Variants in PSD3 observed in about 807,000 individuals in gnomAD.
The protein encoded by PSD3 is pleckstrin and Sec7 domain containing 3, also known as PH and SEC7 domain-containing protein 3.
PSD3 carries 49 observed loss-of-function variants against 105.5 expected under a neutral mutation model. That is an observed-to-expected ratio of 0.46 (90% confidence interval 0.37 to 0.59). The LOEUF (loss-of-function observed/expected upper bound fraction) is 0.59, where lower values mean the gene tolerates loss of function less well. Ranked by LOEUF, PSD3 falls within the 20% of genes least tolerant of loss-of-function variation. PSD3 has a pLI of 0.00. For missense variants in PSD3, 1,561 were observed against 1,263.8 expected, an observed-to-expected ratio of 1.24 and a Z score of -3.57; for synonymous variants, 557 against 457.8, an observed-to-expected ratio of 1.22 and a Z score of -2.77.
chr8:19,045,410 A>G (rs1205964218), intron 1 of PSD3, among the ~76,000 whole-genome samples: 2 of 152,218 alleles, frequency 1.3e-5, no homozygotes, highest in East Asian at 1.9e-4. Context: ...TGAATTTAAC[A>G]AAAGTGTTAA....
chr8:18,855,437 T>C (rs7006759), intron 4 of PSD3, among the ~76,000 whole-genome samples: 6,920 of 151,982 alleles, frequency 0.046, 189 homozygotes, highest in Admixed American at 0.084. Context: ...ATGAAAAAAA[T>C]AGGTTATAGT....
chr8:18,627,119 G>T (rs1458088923), intron 11 of PSD3, among the ~76,000 whole-genome samples: 1 of 151,970 alleles, frequency 6.6e-6, no homozygotes, highest in African/African-American at 2.4e-5. Flanking sequence ...GAAAACATTG[G>T]ATTATAATTC....
chr8:18,662,093 T>C (rs1238662995), intron 9 of PSD3, among the ~76,000 whole-genome samples: 2 of 152,118 alleles, frequency 1.3e-5, no homozygotes, highest in Non-Finnish European at 2.9e-5. Flanking sequence ...TATGTTGTGA[T>C]GTACTTCCAA....
In PSD3 at chr8:18,671,844, A is replaced by G. The variant is rs147382884; in HGVS notation, c.2173-16159T>C. Among the ~76,000 whole-genome samples, 1,223 of 152,118 alleles carry G rather than the reference A, an allele frequency of 8.0e-3. 9 individuals carry two copies. The highest frequency in any genetic ancestry group is 0.012 in the Non-Finnish European group (812 of 67,976). On this transcript the variant is annotated intron_variant, in intron 9 of 15. Transcript: ENST00000327040. Reference sequence around the variant, plus strand: ...GATGGGGTTTCACCGTGTTAGCCAGAATGGTCTCGATCTCCTGACCTTGTT... The same window carrying G: ...GATGGGGTTTCACCGTGTTAGCCAGGATGGTCTCGATCTCCTGACCTTGTT...
chr8:18,982,463 C>A (rs1380239917), intron 1 of PSD3, among the ~76,000 whole-genome samples: 1 of 152,102 alleles, frequency 6.6e-6, no homozygotes, highest in Non-Finnish European at 1.5e-5. Flanking sequence ...TTTCAGAAGG[C>A]TTTCAATTGA....
At chr8:19,046,831 G>A (rs1828335042) in intron 1 of PSD3, among the ~76,000 whole-genome samples, 1 of 152,094 alleles carries the variant, frequency 6.6e-6, no homozygotes, top group Admixed American at 6.5e-5. Flanking sequence ...CTCAAGCCTT[G>A]GCAAGTGAAA....
intron 10 of PSD3, among the ~76,000 whole-genome samples, chr8:18,654,916 A>G (rs555823510): frequency 6.6e-6 from 1 of 152,180 alleles, no homozygotes; most frequent in Non-Finnish European, 1.5e-5. Context: ...ATGATCTATG[A>G]TGATAGGAAG....
Position 18,870,882 on chromosome 8 carries a change from T to A in PSD3, c.1238+744A>T, listed in dbSNP as rs1425595593. Among the ~76,000 whole-genome samples the A allele has an allele frequency of 3.9e-5, 6 of 152,182 alleles. No individual in the cohort carries two copies. In the East Asian group the frequency reaches 1.2e-3, roughly 29 times the overall value. On this transcript the variant is annotated intron_variant, in intron 3 of 15. Transcript: ENST00000327040. ...AGGGAGGCCAAGGTGGGAGGATCAC[T>A]TGATGCGAGGAGTTTGAAACAGCCT...
intron 8 of PSD3, among the ~76,000 whole-genome samples, chr8:18,789,223 G>C (rs335248): frequency 0.35 from 53,861 of 151,954 alleles, 9,771 homozygotes; most frequent in South Asian, 0.42. Flanking sequence ...TATTTTTATA[G>C]TAACACTAAA....
At chr8:18,681,199 G>A (rs935458596) in intron 9 of PSD3, among the ~76,000 whole-genome samples, 3 of 152,144 alleles carry the variant, frequency 2.0e-5, no homozygotes, top group African/African-American at 7.2e-5. Flanking sequence ...TTGGGAAGAT[G>A]ACATGAGAGG....
intron 10 of PSD3, among the ~76,000 whole-genome samples, chr8:18,643,081 C>T (rs946295855): frequency 5.9e-5 from 9 of 152,228 alleles, no homozygotes; most frequent in East Asian, 1.9e-4. Context: ...GAGTTTATCA[C>T]GAATGGTGAC....
chr8:18,826,631 T>G (rs1813207467), intron 4 of PSD3, among the ~76,000 whole-genome samples: 1 of 152,240 alleles, frequency 6.6e-6, no homozygotes, highest in Admixed American at 6.5e-5. Context: ...TTTTGGAACA[T>G]CTACTGTGTT....
intron 4 of PSD3, among the ~76,000 whole-genome samples, chr8:18,823,295 C>T (rs551455915): frequency 3.3e-5 from 5 of 152,118 alleles, no homozygotes; most frequent in Admixed American, 1.3e-4. Context: ...GTCATCTAGA[C>T]AGTCTAAGTT....
chr8:18,927,029 G>A (rs1264179382), intron 2 of PSD3, among the ~76,000 whole-genome samples: 3 of 152,072 alleles, frequency 2.0e-5, no homozygotes, highest in East Asian at 3.9e-4. Flanking sequence ...ACAGAACTCA[G>A]GGAAACATTT....
intron 14 of PSD3, among the ~76,000 whole-genome samples, chr8:18,559,665 C>T (rs944316971): frequency 2.0e-5 from 3 of 151,940 alleles, no homozygotes; most frequent in African/African-American, 7.3e-5. Flanking sequence ...TGCAAATATG[C>T]TTTCAGATGT....
rs1364722018 is a variant in PSD3 at position 18,571,041 on chromosome 8, ACTAGAGACAGGG to A, written c.2784+1475_2784+1486del. Among the ~76,000 whole-genome samples, 10 of 152,030 alleles carry A rather than the reference ACTAGAGACAGGG, an allele frequency of 6.6e-5. No individual in the cohort carries two copies. In the South Asian group the frequency reaches 1.9e-3, roughly 28 times the overall value. ...CGCCTGGCTAATTTTTGTATTTTTTACTAGAGACAGGGTTTTACCATGCTGGCCAGGCTGGTC... is the reference window on the plus strand; with the variant it reads ...CGCCTGGCTAATTTTTGTATTTTTTATTTTACCATGCTGGCCAGGCTGGTC... On this transcript the variant is annotated intron_variant, in intron 14 of 15. Coordinates refer to ENST00000327040, the MANE Select transcript of PSD3 (RefSeq NM_015310.4).
At chr8:18,895,083 T>G (rs6989509) in intron 2 of PSD3, among the ~76,000 whole-genome samples, 5,217 of 152,298 alleles carry the variant, frequency 0.034, 269 homozygotes, top group African/African-American at 0.12. Flanking sequence ...AATCCTGCAC[T>G]GAGGACAGAG....
upstream of PSD3, among the ~76,000 whole-genome samples, chr8:19,014,671 A>C (rs75049123): frequency 0.036 from 5,471 of 152,308 alleles, 160 homozygotes; most frequent in Non-Finnish European, 0.055. This position sits in a 1 kb window ranked among gnomAD's most constrained non-coding sequence, Gnocchi z 4.9. Flanking sequence ...TTCAAGTGAC[A>C]GGTAGAAGAC....
intron 8 of PSD3, among the ~76,000 whole-genome samples, chr8:18,771,166 G>T (rs1044258921): frequency 1.3e-5 from 2 of 152,120 alleles, no homozygotes; most frequent in Non-Finnish European, 2.9e-5. Flanking sequence ...ACAGGAATGG[G>T]GGGCAGAGCA....
Sources: gnomAD v4.1 joint callset for allele counts (sites outside exome capture counted in the v4.1 genomes callset) on GRCh38, gnomAD v4.1.1 for gene constraint, Gnocchi (gnomAD v3.1) non-coding constraint, MANE v1.5 for transcripts, NCBI Gene and HGNC (gene_info 2026-07-23, HGNC 2026-07-21) for gene names.